VWF: variants seen among roughly 807,000 people sequenced by gnomAD.
VWF encodes von Willebrand factor, also known as Factor VIII related antigen.
VWF carries 176 observed loss-of-function variants against 308.6 expected under a neutral mutation model. The observed-to-expected ratio is 0.57, with a 90% confidence interval of 0.50 to 0.65. The LOEUF (loss-of-function observed/expected upper bound fraction) is 0.65, where lower values mean the gene tolerates loss of function less well. VWF is among the 30% of genes least tolerant of loss of function. VWF has a pLI of 0.00. For missense variants in VWF, 3,146 were observed against 3,648.2 expected (o/e 0.86, Z 3.55); for synonymous variants, 1,385 against 1,443.4 (o/e 0.96, Z 0.92).
At position 6,036,443 on chromosome 12, in the gene VWF, G is replaced by T. The variant is rs1944337848; in HGVS notation, c.2491C>A (p.His831Asn). The change falls in exon 19 of 52, where the codon CAT becomes AAT. Residue 831 changes from histidine to asparagine, a missense_variant. His to Asn is a moderately conservative substitution (Grantham distance 68). Transcript: ENST00000261405. Reference protein sequence around the residue: ...CVALERCPCFHQGKEYAPGET... With the variant: ...CVALERCPCFNQGKEYAPGET... ...CCAGGGGCATACTCCTTGCCCTGATGGAAGCAGGGACACCTTTCCAGGGCC... is the reference window on the plus strand; with the variant it reads ...CCAGGGGCATACTCCTTGCCCTGATTGAAGCAGGGACACCTTTCCAGGGCC... The T allele has an allele frequency of 6.2e-7, 1 of 1,614,236 alleles. No homozygotes were observed. The highest frequency in any genetic ancestry group is 8.5e-7 in the Non-Finnish European group (1 of 1,180,032).
At position 6,046,583 on chromosome 12, in the gene VWF, G is replaced by A; in HGVS notation, c.2281+140C>T. The A allele has an allele frequency of 3.7e-6, 3 of 804,192 alleles. No individual in the cohort carries two copies. The highest frequency in any genetic ancestry group is 1.7e-5 in the African/African-American group (1 of 58,994). The allele number at this position is 804,192 out of a possible 1,614,324, so 49.8% of individuals were successfully genotyped here. On this transcript the variant is annotated intron_variant, in intron 17 of 51. Transcript: ENST00000261405. The surrounding 1 kb of genome is among the most constrained non-coding windows in gnomAD (Gnocchi z 5.0). ...TCACTCACACAAACCCAGAAATGAAGGCGATCCTGGGCGAAGCCAGACCCA... is the reference window on the plus strand; with the variant it reads ...TCACTCACACAAACCCAGAAATGAAAGCGATCCTGGGCGAAGCCAGACCCA...
rs1244073600 is a variant in VWF, at chr12:6,056,969, G to A, written c.1833C>T (p.Asp611=). ...PLPYLRNCRY[D]VCSCSDGREC... ...CGCGGCCGTCCGAGCAGGAGCACAC[G>A]TCGTAGCGGCAGTTCCGCAGGTAGG... The change falls in exon 15 of 52, where the codon GAC becomes GAT. Residue 611 remains aspartate, a synonymous_variant. Coordinates refer to ENST00000261405, the MANE Select transcript of VWF (RefSeq NM_000552.5). 7 of 1,541,738 alleles carry A rather than the reference G, an allele frequency of 4.5e-6. No homozygotes were observed. Among genetic ancestry groups the A allele is most frequent in the African/African-American group, 1.4e-5 (1 of 73,242 alleles).
intron 34 of VWF, among the ~76,000 whole-genome samples, chr12:6,004,568 T>C (rs1273842426): frequency 6.6e-6 from 1 of 151,764 alleles, no homozygotes; most frequent in Non-Finnish European, 1.5e-5. Context: ...GGCACAAAAA[T>C]TGACAAAAAA....
At chr12:6,012,683 G>A (rs1052231992) in intron 32 of VWF, among the ~76,000 whole-genome samples, 2 of 120,930 alleles carry the variant, frequency 1.7e-5, no homozygotes, top group African/African-American at 3.7e-5. Context: ...CAAAAAAAGC[G>A]TGTGTGTGTG....
intron 6 of VWF, among the ~76,000 whole-genome samples, chr12:6,092,716 A>T (rs543559566): frequency 6.7e-6 from 1 of 148,758 alleles, no homozygotes; most frequent in South Asian, 2.1e-4. Context: ...CAACCACGGA[A>T]TGGTTCTGGC....
At chr12:6,023,088 CT>C (rs1251209482) in intron 25 of VWF, among the ~76,000 whole-genome samples, 190 bp from the exon 26 acceptor site, 2 of 151,896 alleles carry the variant, frequency 1.3e-5, no homozygotes, top group Non-Finnish European at 2.9e-5. Flanking sequence ...GAATTCATTT[CT>C]TTTTTTAATT....
At chr12:6,039,885 A>C (rs1293241507) in intron 18 of VWF, among the ~76,000 whole-genome samples, 1 of 152,132 alleles carries the variant, frequency 6.6e-6, no homozygotes, top group Admixed American at 6.5e-5. Flanking sequence ...GAGGCTCCTA[A>C]TACCAGCAGT....
chr12:6,103,453 TA>T (rs1945201655), intron 5 of VWF, among the ~76,000 whole-genome samples: 1 of 95,888 alleles, frequency 1.0e-5, no homozygotes, highest in African/African-American at 5.6e-5. Flanking sequence ...CATACACATA[TA>T]TGTGTATATA....
At position 6,092,614 on chromosome 12, in the gene VWF, T is replaced by TGAGTGAGTGAGTGAGAGAGA. The variant is rs71064187; in HGVS notation, c.657+2845_657+2846insTCTCTCTCACTCACTCACTC. On this transcript the variant is annotated intron_variant, in intron 6 of 51. Coordinates refer to ENST00000261405, the MANE Select transcript of VWF (RefSeq NM_000552.5). ...CATGCCCAGCTAGTTAGTGAGTGAG[T>TGAGTGAGTGAGTGAGAGAGA]GAGAGTGTGTGTGTGTGTGTGTGTG... Among the ~76,000 whole-genome samples the TGAGTGAGTGAGTGAGAGAGA allele has an allele frequency of 1.7e-4, 15 of 86,056 alleles. 2 individuals are homozygous for TGAGTGAGTGAGTGAGAGAGA. The highest frequency in any genetic ancestry group is 8.7e-4 in the African/African-American group (15 of 17,216). 56.5% of individuals were successfully genotyped at this position (86,056 alleles called of 152,430 possible).
At chr12:6,099,524 A>C (rs1206686138) in intron 5 of VWF, among the ~76,000 whole-genome samples, 1 of 152,162 alleles carries the variant, frequency 6.6e-6, no homozygotes, top group Non-Finnish European at 1.5e-5. Flanking sequence ...AGATGAGTTC[A>C]CAATCGAAAA....
rs557297303 is a variant in VWF at position 5,969,084 on chromosome 12, T to C, written c.7729+127A>G. 432 of 1,046,140 alleles carry C rather than the reference T, an allele frequency of 4.1e-4. 2 individuals are homozygous for C. Among genetic ancestry groups the C allele is most frequent in the Non-Finnish European group, 6.0e-4 (419 of 698,432 alleles). The allele number at this position is 1,046,140 out of a possible 1,614,324, so 64.8% of individuals were successfully genotyped here. A position where few individuals can be genotyped will look rare whatever the true frequency, so the allele number is the denominator to read the frequency against. ...TTCTCATAAAAGCAGTAGGAGCAGA[T>C]GGGAAGATTTCGGTCCTATCCATTT... is the stretch of plus-strand genomic sequence containing the variant. On this transcript the variant is annotated intron_variant, in intron 45 of 51. Transcript: ENST00000261405.
rs1943895898 is a variant in VWF at position 6,003,626 on chromosome 12, A to C, written c.5843-7404T>G. Among the ~76,000 whole-genome samples the C allele has an allele frequency of 2.0e-5, 3 of 152,168 alleles. No individual in the cohort carries two copies. In the South Asian group the frequency reaches 6.2e-4, roughly 32 times the overall value. On this transcript the variant is annotated intron_variant, in intron 34 of 51. Coordinates refer to ENST00000261405, the MANE Select transcript of VWF (RefSeq NM_000552.5). ...AGGAAAAATGCATAATTCCACTCAA[A>C]AGAGGTGCTTAGAGTAGTCTCATTC...
rs2229446 is a variant in VWF, at chr12:5,993,906, C to T, written c.6554G>A (p.Arg2185Gln). Reference sequence around the variant, plus strand: ...CCAGTCAACGCAGACCCCGTTGGTCCGACAGAGGTGGGCATAAGAGGCGAT... The same window carrying T: ...CCAGTCAACGCAGACCCCGTTGGTCTGACAGAGGTGGGCATAAGAGGCGAT... Reference protein sequence around the residue: ...EVIASYAHLCRTNGVCVDWRT... With the variant: ...EVIASYAHLCQTNGVCVDWRT... Residue 2185 changes from arginine (R) to glutamine (Q), a missense_variant, in exon 37 of 52, where the codon CGG becomes CAG. Arg to Gln is a conservative substitution (Grantham distance 43). Coordinates refer to ENST00000261405, the MANE Select transcript of VWF (RefSeq NM_000552.5). 0.011 allele frequency: 17,865 copies of T among 1,613,710 alleles called. 1,462 individuals are homozygous for T. The African/African-American group carries it at 0.19, about 17-fold the overall frequency.
rs1943143385 is a variant in VWF, at chr12:5,948,905, T to C, written c.*110A>G. Reference sequence around the variant, plus strand: ...TGCAAGATAAGAGCTCAGCCTTTATTGTGGGCTCAGAAGGGCACAAGAGCA... The same window carrying C: ...TGCAAGATAAGAGCTCAGCCTTTATCGTGGGCTCAGAAGGGCACAAGAGCA... On this transcript the variant is annotated 3_prime_UTR_variant, in exon 52 of 52. Transcript: ENST00000261405. The surrounding 1 kb of genome is among the most constrained non-coding windows in gnomAD (Gnocchi z 4.4). 1 of 1,288,694 alleles carries C rather than the reference T, an allele frequency of 7.8e-7. No individual in the cohort carries two copies. Among genetic ancestry groups the C allele is most frequent in the Non-Finnish European group, 1.1e-6 (1 of 912,234 alleles). The allele number at this position is 1,288,694 out of a possible 1,614,324, so 79.8% of individuals were successfully genotyped here.
chr12:5,989,951 T>C (rs760816751), intron 38 of VWF, among the ~76,000 whole-genome samples: 16 of 152,226 alleles, frequency 1.1e-4, no homozygotes, highest in Non-Finnish European at 1.6e-4. Context: ...ATTCAAGCCC[T>C]GCAGGAGCTC....
chr12:6,108,367 A>ACACACACACAC (rs1555076037), intron 5 of VWF, among the ~76,000 whole-genome samples: 12 of 150,462 alleles, frequency 8.0e-5, no homozygotes, highest in South Asian at 2.1e-4. Flanking sequence ...ACACACACAC[A>ACACACACACAC]AAGCAAAATT....
intron 47 of VWF, 180 bp from the exon 48 acceptor site, chr12:5,953,774 T>C: frequency 1.6e-6 from 1 of 644,060 alleles, no homozygotes; most frequent in Non-Finnish European, 2.8e-6. Context: ...GTAGCATTCC[T>C]TCACTCTGCA....
chr12:5,964,293 T>C (rs917433642), intron 47 of VWF, among the ~76,000 whole-genome samples: 1 of 152,088 alleles, frequency 6.6e-6, no homozygotes, highest in African/African-American at 2.4e-5. Flanking sequence ...CATGCATACA[T>C]ACATACAAAA....
At position 6,023,888 on chromosome 12, in the gene VWF, G is replaced by A. The variant is rs112117835; in HGVS notation, c.3223-101C>T. ...GTTCTGATGGTCAATTTAAGGATAA[G>A]GGGGTCCAGGTAGAAGGAGAAATGT... On this transcript the variant is annotated intron_variant, in intron 24 of 51. Transcript: ENST00000261405. 9.7e-3 allele frequency: 13,184 copies of A among 1,362,370 alleles called. 508 individuals carry two copies. In the African/African-American group the frequency reaches 0.11, roughly 12 times the overall value. 84.4% of individuals were successfully genotyped at this position (1,362,370 alleles called of 1,614,324 possible). A position where few individuals can be genotyped will look rare whatever the true frequency, so the allele number is the denominator to read the frequency against.
Sources: gnomAD v4.1 joint callset for allele counts (sites outside exome capture counted in the v4.1 genomes callset) on GRCh38, gnomAD v4.1.1 for gene constraint, Gnocchi (gnomAD v3.1) non-coding constraint, MANE v1.5 for transcripts, NCBI Gene and HGNC (gene_info 2026-07-23, HGNC 2026-07-21) for gene names.